KLHL32: variants seen among roughly 807,000 people sequenced by gnomAD.
The protein encoded by KLHL32 is kelch like family member 32.
A neutral mutation model predicts 64.8 loss-of-function variants in KLHL32; 35 were observed. That is an observed-to-expected ratio of 0.54 (90% confidence interval 0.41 to 0.72). KLHL32 has a LOEUF of 0.72. KLHL32 is among the 30% of genes least tolerant of loss of function. The probability of loss-of-function intolerance (pLI) is 0.00; values close to 1 mark genes in which losing one functional copy is unlikely to be tolerated. For synonymous variants in KLHL32, 259 were observed against 281.0 expected, an observed-to-expected ratio of 0.92 and a Z score of 0.78; for missense variants, 589 against 768.5, an observed-to-expected ratio of 0.77 and a Z score of 2.76.
At chr6:96,935,259 C>T (rs191325573) in intron 1 of KLHL32, among the ~76,000 whole-genome samples, 1 of 152,178 alleles carries the variant, frequency 6.6e-6, no homozygotes, top group Non-Finnish European at 1.5e-5. Flanking sequence ...TGATGGCTTC[C>T]CTGATGTTGA....
chr6:97,059,235 A>G (rs189556979), intron 4 of KLHL32, among the ~76,000 whole-genome samples: 4 of 152,340 alleles, frequency 2.6e-5, no homozygotes, highest in African/African-American at 9.6e-5. Flanking sequence ...TGGAAATTAA[A>G]GGAATGAGGA....
At chr6:97,114,639 A>G in intron 7 of KLHL32, 130 bp downstream of exon 7, 2 of 1,079,694 alleles carry the variant, frequency 1.9e-6, no homozygotes, top group Non-Finnish European at 2.7e-6. Flanking sequence ...TAGCTAATTA[A>G]CATTCATTTA....
chr6:96,921,179 C>T (rs116105420), upstream of KLHL32, among the ~76,000 whole-genome samples: 224 of 152,184 alleles, frequency 1.5e-3, 1 homozygote, highest in African/African-American at 5.0e-3. Flanking sequence ...TATGTAATTA[C>T]GATATTCTTT....
chr6:97,133,587 C>G (rs1387088773), intron 10 of KLHL32, among the ~76,000 whole-genome samples: 1 of 152,114 alleles, frequency 6.6e-6, no homozygotes, highest in Non-Finnish European at 1.5e-5. Context: ...TCATAAAGTA[C>G]ATATATTTTG....
chr6:96,964,262 A>G (rs537705947), intron 1 of KLHL32, among the ~76,000 whole-genome samples: 39 of 152,330 alleles, frequency 2.6e-4, no homozygotes, highest in African/African-American at 9.1e-4. Context: ...CATGGGAAAA[A>G]GTGCAAGGAG....
At chr6:96,919,710 ATAT>A (rs1490105951), upstream of KLHL32, among the ~76,000 whole-genome samples, 2 of 152,194 alleles carry the variant, frequency 1.3e-5, no homozygotes, top group African/African-American at 4.8e-5. Context: ...TTTAATATAA[ATAT>A]TATTCATGCT....
intron 3 of KLHL32, among the ~76,000 whole-genome samples, chr6:97,002,413 G>T (rs1301569216): frequency 6.6e-6 from 1 of 152,114 alleles, no homozygotes; most frequent in South Asian, 2.1e-4. Flanking sequence ...AACGAATATA[G>T]CTTAAGAGCA....
Position 97,114,318 on chromosome 6 carries a change from G to A in KLHL32, c.1163G>A (p.Arg388Gln), listed in dbSNP as rs143481422. 11 of 1,614,028 alleles carry A rather than the reference G, an allele frequency of 6.8e-6. No individual in the cohort carries two copies. The highest frequency in any genetic ancestry group is 1.3e-5 in the African/African-American group (1 of 74,916). Reference protein sequence around the residue: ...WAEIAPMKNCREHFVLGAMEE... With the variant: ...WAEIAPMKNCQEHFVLGAMEE... ...GAGATAGCACCCATGAAAAACTGCC[G>A]GGAGCATTTTGTGCTGGGTGCCATG... Residue 388 changes from arginine (R) to glutamine (Q), a missense_variant, in exon 7 of 11, where the codon CGG becomes CAG. Transcript: ENST00000369261.
intron 10 of KLHL32, among the ~76,000 whole-genome samples, chr6:97,136,976 C>G (rs997167065): frequency 6.6e-6 from 1 of 152,208 alleles, no homozygotes; most frequent in East Asian, 1.9e-4. Flanking sequence ...GGCTCCACCA[C>G]TTGCCGTGTG....
intron 3 of KLHL32, among the ~76,000 whole-genome samples, chr6:97,038,286 GATAACCAGAATAT>G (rs1473446875): frequency 1.3e-5 from 2 of 150,304 alleles, no homozygotes; most frequent in Non-Finnish European, 3.0e-5. Flanking sequence ...ACAAGGGATT[GATAACCAGAATAT>G]ATAAGAAACT....
At chr6:97,080,063 G>A (rs761536796) in intron 5 of KLHL32, among the ~76,000 whole-genome samples, 10 of 152,186 alleles carry the variant, frequency 6.6e-5, no homozygotes, top group Admixed American at 1.3e-4. Flanking sequence ...GTAGCCAATT[G>A]ATAGAGGAAA....
chr6:97,139,785 A>G lies in KLHL32; in HGVS notation c.*503A>G, dbSNP rs1038220580. 6.6e-6 allele frequency: 1 copy of G among 152,262 alleles called. No individual in the cohort carries two copies. The highest frequency in any genetic ancestry group is 1.5e-5 in the Non-Finnish European group (1 of 68,094). 9.4% of individuals were successfully genotyped at this position (152,262 alleles called of 1,614,324 possible). ...ATGACATCATAAATTTTTAAATGCC[A>G]TATTTTATTCAAGGTGATACGAATA... On this transcript the variant is annotated 3_prime_UTR_variant, in exon 11 of 11. Coordinates refer to ENST00000369261, the MANE Select transcript of KLHL32 (RefSeq NM_052904.4).
chr6:96,968,110 G>C (rs957337424), intron 2 of KLHL32, among the ~76,000 whole-genome samples: 5 of 152,154 alleles, frequency 3.3e-5, no homozygotes, highest in African/African-American at 1.2e-4. Context: ...GAGGTGATTT[G>C]TTCCAGAAAT....
intron 4 of KLHL32, among the ~76,000 whole-genome samples, chr6:97,047,660 T>C (rs1766520): frequency 0.25 from 38,681 of 151,794 alleles, 6,311 homozygotes; most frequent in African/African-American, 0.45. Flanking sequence ...GTAGAAGAGG[T>C]ATGAGGAAGA....
Position 96,971,744 on chromosome 6 carries a change from A to G in KLHL32, c.24-4253A>G, listed in dbSNP as rs544168432. ...TTACAGTGTTCAGGTGGAAAAAAAC[A>G]GAGGGACATATATCCCTGGGAACTC... On this transcript the variant is annotated intron_variant, in intron 2 of 10. Transcript: ENST00000369261. 1.0e-3 allele frequency among the ~76,000 whole-genome samples: 153 copies of G among 152,340 alleles called. 1 individual carries two copies. In the Middle Eastern group the frequency reaches 0.01, roughly 10 times the overall value.
chr6:97,109,897 C>A (rs1410468644), intron 6 of KLHL32, among the ~76,000 whole-genome samples: 1 of 152,214 alleles, frequency 6.6e-6, no homozygotes, highest in Non-Finnish European at 1.5e-5. Context: ...AAATTAGGAA[C>A]AATAGCAAAT....
At chr6:97,067,841 A>G (rs1357510912) in intron 5 of KLHL32, among the ~76,000 whole-genome samples, 1 of 152,096 alleles carries the variant, frequency 6.6e-6, no homozygotes, top group African/African-American at 2.4e-5. Context: ...ATCTCCAGCC[A>G]CTGTGCCTTT....
At chr6:97,021,623 A>G (rs1781997345) in intron 3 of KLHL32, among the ~76,000 whole-genome samples, 1 of 150,920 alleles carries the variant, frequency 6.6e-6, no homozygotes, top group South Asian at 2.1e-4. Flanking sequence ...TACTAGAGTA[A>G]TGTTTTACCA....
intron 6 of KLHL32, among the ~76,000 whole-genome samples, chr6:97,109,126 C>T (rs939901354): frequency 6.6e-6 from 1 of 152,126 alleles, no homozygotes; most frequent in Non-Finnish European, 1.5e-5. Flanking sequence ...TCCAGTCCCC[C>T]ACCTGCTGAA....
Sources: allele counts gnomAD v4.1 joint callset (sites outside exome capture counted in the v4.1 genomes callset), GRCh38; gene constraint gnomAD v4.1.1; transcripts MANE v1.5; gene names NCBI Gene and HGNC (gene_info 2026-07-23, HGNC 2026-07-21).